TBC1D2B: variants seen among roughly 807,000 people sequenced by gnomAD.
TBC1D2B encodes TBC1 domain family member 2B, also known as TBC1 domain family, member 2B.
TBC1D2B carries 64 observed loss-of-function variants against 100.8 expected under a neutral mutation model. The observed-to-expected ratio is 0.64, with a 90% CI of 0.52 to 0.78. The LOEUF (loss-of-function observed/expected upper bound fraction) is 0.78. Ranked by LOEUF, TBC1D2B falls within the 30% of genes least tolerant of loss-of-function variation. The pLI, the probability that TBC1D2B is intolerant of heterozygous loss-of-function variation, is 0.00. For synonymous variants in TBC1D2B, 480 were observed against 479.7 expected (o/e 1.00, Z -0.01); for missense variants, 1,052 against 1,218.4 (o/e 0.86, Z 2.03).
In TBC1D2B at chr15:78,077,384, CT is replaced by C; in HGVS notation, c.268del (p.Ser90AlafsTer38). On this transcript the variant is annotated frameshift_variant, in exon 1 of 13. Transcript: ENST00000300584. LOFTEE classifies it high-confidence loss of function. Reference protein sequence around the residue: ...GHLDIADACFSYQGPDEAAEP... With the variant: ...GHLDIADACFXYQGPDEAAEP... ...CGCCGCCTCGTCGGGGCCCTGGTAG[CT>C]GAAGCAGGCGTCCGCGATGTCCAAG... 1 of 1,544,018 alleles carries C rather than the reference CT, an allele frequency of 6.5e-7. No individual in the cohort carries two copies. The highest frequency in any genetic ancestry group is 8.7e-7 in the Non-Finnish European group (1 of 1,144,642).
intron 1 of TBC1D2B, among the ~76,000 whole-genome samples, chr15:78,066,798 T>C (rs1045720146): frequency 5.3e-5 from 8 of 152,204 alleles, no homozygotes; most frequent in Admixed American, 4.6e-4. Context: ...CTGTTTTCCT[T>C]TGACGAACCA....
chr15:78,051,518 T>C (rs2073313220), intron 2 of TBC1D2B, among the ~76,000 whole-genome samples: 1 of 152,210 alleles, frequency 6.6e-6, no homozygotes, highest in Non-Finnish European at 1.5e-5. Flanking sequence ...GATATACAAC[T>C]AGCTATCAGT....
In TBC1D2B at chr15:78,013,042, T is replaced by A; in HGVS notation, c.2051A>T (p.Lys684Met). 1 of 1,613,940 alleles carries A rather than the reference T, an allele frequency of 6.2e-7. No individual in the cohort carries two copies. Among genetic ancestry groups the A allele is most frequent in the Non-Finnish European group, 8.5e-7 (1 of 1,179,828 alleles). The change falls in exon 9 of 13, where the codon AAG becomes ATG. Residue 684 changes from lysine (K) to methionine (M), a missense_variant. Transcript: ENST00000300584. ...GAAGTGGCCAGGCTCAGTGTTGTCC[T>A]TGAACTTCCTGGTGTGACGGTCCAC... Reference protein sequence around the residue: ...WCVDRHTRKFKDNTEPGHFQT... With the variant: ...WCVDRHTRKFMDNTEPGHFQT...
chr15:78,012,930 G>C lies in TBC1D2B; in HGVS notation c.2163C>G (p.Asn721Lys). 1 of 1,551,932 alleles carries C rather than the reference G, an allele frequency of 6.4e-7. No individual in the cohort carries two copies. Among genetic ancestry groups the C allele is most frequent in the Non-Finnish European group, 8.7e-7 (1 of 1,146,980 alleles). Residue 721 changes from asparagine (N) to lysine (K), a missense_variant, in exon 9 of 13, where the codon AAC becomes AAG. Coordinates refer to ENST00000300584, the MANE Select transcript of TBC1D2B (RefSeq NM_144572.2). Reference protein sequence around the residue: ...ELDLLRTLPNNKHYSCPTSEG... With the variant: ...ELDLLRTLPNKKHYSCPTSEG... ...CTGAGGTGGGGCAGGAGTAATGTTT[G>C]TTGTTGGGCAGAGTTCGCAGCAAGT...
At position 78,016,607 on chromosome 15, in the gene TBC1D2B, C is replaced by A; in HGVS notation, c.1714G>T (p.Ala572Ser). ...REVIAQLLED[A>S]LQVESQEQPE... ...TGCTCTTGGCTCTCAACCTGCAGAG[C>A]ATCCTCCAGCAACTGGGCTATGACC... The change falls in exon 8 of 13, where the codon GCT (alanine) becomes TCT (serine). Residue 572 changes from alanine to serine, a missense_variant. Coordinates refer to ENST00000300584, the MANE Select transcript of TBC1D2B (RefSeq NM_144572.2). 6.2e-7 allele frequency: 1 copy of A among 1,612,850 alleles called. No individual in the cohort carries two copies. The highest frequency in any genetic ancestry group is 1.7e-5 in the Admixed American group (1 of 59,840).
At chr15:78,077,176 C>A in intron 1 of TBC1D2B, 117 bp downstream of exon 1, 1 of 1,315,738 alleles carries the variant, frequency 7.6e-7, no homozygotes, top group Non-Finnish European at 9.8e-7. Flanking sequence ...AAAGGCAGGC[C>A]GACGTGGGCA....
intron 12 of TBC1D2B, chr15:77,998,703 C>G (rs12900731): frequency 0.9 from 195,372 of 216,856 alleles, 88,886 homozygotes; most frequent in East Asian, 0.99. Flanking sequence ...ACACATAAGC[C>G]CTGAGAAGAG....
chr15:78,036,868 A>G (rs2072956234), intron 3 of TBC1D2B, among the ~76,000 whole-genome samples: 1 of 152,216 alleles, frequency 6.6e-6, no homozygotes, highest in South Asian at 2.1e-4. Context: ...TTCAGCTGGC[A>G]TTCAAGTTTG....
At chr15:78,062,313 A>G (rs1276282358) in intron 1 of TBC1D2B, among the ~76,000 whole-genome samples, 1 of 152,222 alleles carries the variant, frequency 6.6e-6, no homozygotes, top group African/African-American at 2.4e-5. Context: ...ATTAATAGAC[A>G]ATGACGAACT....
intron 2 of TBC1D2B, among the ~76,000 whole-genome samples, chr15:78,046,351 T>C (rs1166009147): frequency 6.6e-6 from 1 of 152,382 alleles, no homozygotes; most frequent in Non-Finnish European, 1.5e-5. Flanking sequence ...GAATAGGACA[T>C]GCTTATAAAC....
intron 6 of TBC1D2B, among the ~76,000 whole-genome samples, chr15:78,020,984 G>A (rs1408965983): frequency 6.6e-6 from 1 of 152,218 alleles, no homozygotes; most frequent in Non-Finnish European, 1.5e-5. Flanking sequence ...TGGGGCCACA[G>A]TGTTGAATGG....
At chr15:78,027,432 G>C (rs2072699770) in intron 4 of TBC1D2B, among the ~76,000 whole-genome samples, 1 of 152,160 alleles carries the variant, frequency 6.6e-6, no homozygotes, top group Non-Finnish European at 1.5e-5. Flanking sequence ...GAAAATACAA[G>C]GAAGGGTAGT....
chr15:78,019,900 AAG>A (rs1491273637), intron 6 of TBC1D2B, among the ~76,000 whole-genome samples: 1 of 143,698 alleles, frequency 7.0e-6, no homozygotes, highest in African/African-American at 2.5e-5. Context: ...AAAAAAAAAA[AAG>A]GGGGGGGGAG....
intron 1 of TBC1D2B, among the ~76,000 whole-genome samples, chr15:78,072,574 A>T (rs1276286129): frequency 6.6e-6 from 1 of 152,248 alleles, no homozygotes; most frequent in Non-Finnish European, 1.5e-5. Context: ...GCATTCCCAC[A>T]AAAGTGGTTA....
intron 4 of TBC1D2B, among the ~76,000 whole-genome samples, chr15:78,027,143 A>C (rs2072691765): frequency 6.6e-6 from 1 of 152,196 alleles, no homozygotes; most frequent in Non-Finnish European, 1.5e-5. Context: ...AGGAGACACA[A>C]GGGAGCATAT....
At chr15:78,008,908 C>T (rs2072146976) in intron 10 of TBC1D2B, 89 bp downstream of exon 10, 1 of 882,612 alleles carries the variant, frequency 1.1e-6, no homozygotes, top group South Asian at 1.6e-5. Flanking sequence ...CACAAAGCAA[C>T]CCCTCACCCT....
chr15:78,011,644 GGTTTTTTTTT>G (rs2072231308), intron 9 of TBC1D2B, among the ~76,000 whole-genome samples: 1 of 127,550 alleles, frequency 7.8e-6, no homozygotes. Flanking sequence ...CTAATTTTTT[GGTTTTTTTTT>G]TTTTTTTTTT....
chr15:78,025,949 T>G (rs146839490), intron 4 of TBC1D2B, among the ~76,000 whole-genome samples: 1 of 151,808 alleles, frequency 6.6e-6, no homozygotes, highest in African/African-American at 2.4e-5. Context: ...AGGAGATTGA[T>G]GACTCTGCCC....
chr15:78,008,851 T>G, intron 10 of TBC1D2B, 146 bp downstream of exon 10: 1 of 630,192 alleles, frequency 1.6e-6, no homozygotes, highest in Non-Finnish European at 2.8e-6. Context: ...GGACAGCCTC[T>G]GAGATGTGGC....
Sources: gnomAD v4.1 joint callset for allele counts (sites outside exome capture counted in the v4.1 genomes callset) on GRCh38, gnomAD v4.1.1 for gene constraint, MANE v1.5 for transcripts, NCBI Gene and HGNC (gene_info 2026-07-23, HGNC 2026-07-21) for gene names.